PDZRN3: variants seen among roughly 807,000 people sequenced by gnomAD.
PDZRN3 encodes PDZ domain containing ring finger 3.
Under a neutral mutation model 85.7 loss-of-function variants are expected in PDZRN3, and 38 were observed. The observed-to-expected ratio is 0.44, with a 90% confidence interval of 0.34 to 0.58. PDZRN3 has a LOEUF of 0.58. Among genes scored for constraint, PDZRN3 ranks in the 20% least tolerant of loss-of-function variants. The pLI, the probability that PDZRN3 is intolerant of heterozygous loss-of-function variation, is 0.01. For missense variants in PDZRN3, 1,629 were observed against 1,506.4 expected (o/e 1.08, Z -1.35); for synonymous variants, 759 against 638.0 (o/e 1.19, Z -2.86).
intron 3 of PDZRN3, among the ~76,000 whole-genome samples, chr3:73,492,388 T>C (rs1352222725): frequency 6.6e-6 from 1 of 152,196 alleles, no homozygotes; most frequent in East Asian, 1.9e-4. Context: ...TCATTCCCTC[T>C]TGTCCTTTGC....
At chr3:73,408,663 G>A (rs1701904412) in intron 3 of PDZRN3, among the ~76,000 whole-genome samples, 1 of 151,906 alleles carries the variant, frequency 6.6e-6, no homozygotes, top group African/African-American at 2.4e-5. Context: ...GGTATTTTAG[G>A]GATCATTACA....
rs569552049 is a variant in PDZRN3, at chr3:73,426,768, G to A, written c.919-22373C>T. The stretch of plus-strand genomic sequence containing the variant: ...ACAAATTGCTGGGCCCCACCCCAGC[G>A]TTTCTGATTCAGTAGCTCTGGGGCG... On this transcript the variant is annotated intron_variant, in intron 3 of 9. Coordinates refer to ENST00000263666, the MANE Select transcript of PDZRN3 (RefSeq NM_015009.3). Among the ~76,000 whole-genome samples the A allele has an allele frequency of 3.3e-5, 5 of 152,210 alleles. No homozygotes were observed. The East Asian group carries it at 9.7e-4, about 29-fold the overall frequency.
intron 5 of PDZRN3, 90 bp downstream of exon 5, chr3:73,400,832 C>T (rs766515256): frequency 3.7e-5 from 34 of 930,554 alleles, no homozygotes; most frequent in African/African-American, 6.5e-5. Flanking sequence ...CATCGGCATC[C>T]GTAAACTAAT....
At chr3:73,602,601 T>A in intron 2 of PDZRN3, 140 bp from the exon 3 acceptor site, 1 of 585,192 alleles carries the variant, frequency 1.7e-6, no homozygotes, top group Non-Finnish European at 3.0e-6. Context: ...TTTCTCCTAA[T>A]TTCTGTTTTA....
chr3:73,425,940 C>T (rs1384906272), intron 3 of PDZRN3, among the ~76,000 whole-genome samples: 1 of 152,130 alleles, frequency 6.6e-6, no homozygotes, highest in Non-Finnish European at 1.5e-5. Flanking sequence ...AGAATTCTGC[C>T]AATTCAGATT....
Position 73,388,101 on chromosome 3 carries a change from G to C in PDZRN3, c.1417-32C>G, listed in dbSNP as rs764887988. The C allele has an allele frequency of 5.8e-6, 6 of 1,030,228 alleles. No homozygotes were observed. In the Admixed American group the frequency reaches 6.6e-5, roughly 11 times the overall value. The allele number at this position is 1,030,228 out of a possible 1,614,324, so 63.8% of individuals were successfully genotyped here. A position where few individuals can be genotyped will look rare whatever the true frequency, so the allele number is the denominator to read the frequency against. On this transcript the variant is annotated intron_variant, in intron 7 of 9. Transcript: ENST00000263666. ...AAAAAAAAGGGGGGGTGGGGAGAGTGGGGAGACAAATAGCATGATTAGATG... is the reference window on the plus strand; with the variant it reads ...AAAAAAAAGGGGGGGTGGGGAGAGTCGGGAGACAAATAGCATGATTAGATG...
intron 2 of PDZRN3, among the ~76,000 whole-genome samples, chr3:73,606,742 A>G (rs765658074): frequency 2.6e-5 from 4 of 152,206 alleles, no homozygotes; most frequent in Non-Finnish European, 5.9e-5. Flanking sequence ...TGTATGTTTG[A>G]TAAGACAGAT....
chr3:73,390,795 G>A (rs1701507673), intron 6 of PDZRN3, among the ~76,000 whole-genome samples: 1 of 152,040 alleles, frequency 6.6e-6, no homozygotes, highest in South Asian at 2.1e-4. Context: ...TCCATTTTAT[G>A]GCTGATTTGC....
chr3:73,423,819 T>C (rs976556180), intron 3 of PDZRN3, among the ~76,000 whole-genome samples: 3 of 152,236 alleles, frequency 2.0e-5, no homozygotes, highest in African/African-American at 7.2e-5. Flanking sequence ...ATAAAAGATA[T>C]TTATTCTTGG....
At chr3:73,562,054 C>T (rs1701829206) in intron 3 of PDZRN3, among the ~76,000 whole-genome samples, 1 of 151,984 alleles carries the variant, frequency 6.6e-6, no homozygotes, top group Non-Finnish European at 1.5e-5. Flanking sequence ...AAATTCTGGT[C>T]AAAAACCATC....
At chr3:73,545,734 C>T (rs1457614508) in intron 3 of PDZRN3, among the ~76,000 whole-genome samples, 1 of 152,190 alleles carries the variant, frequency 6.6e-6, no homozygotes, top group Non-Finnish European at 1.5e-5. Context: ...GATCTTTAAA[C>T]TTCTTGACCA....
intron 3 of PDZRN3, among the ~76,000 whole-genome samples, chr3:73,513,848 A>G (rs1176531453): frequency 1.3e-5 from 2 of 152,212 alleles, no homozygotes; most frequent in Non-Finnish European, 2.9e-5. Flanking sequence ...CACCCACAAA[A>G]TTTAAGTGCA....
rs1205203990 is a variant in PDZRN3, at chr3:73,383,894, G to A, written c.2672C>T (p.Ser891Leu). ...CTGGCTTTGCGCGTACTCCACGGCC[G>A]ACTTCTGCTGGATCAGCTGCATGTA... is the stretch of plus-strand genomic sequence containing the variant. ...QSYMQLIQQK[S>L]AVEYAQSQMS... The change falls in exon 10 of 10, where the codon TCG becomes TTG. Residue 891 changes from serine (S) to leucine (L), a missense_variant. Transcript: ENST00000263666. The A allele has an allele frequency of 6.2e-6, 10 of 1,612,686 alleles. No homozygotes were observed. Among genetic ancestry groups the A allele is most frequent in the Non-Finnish European group, 7.6e-6 (9 of 1,179,526 alleles).
Position 73,382,890 on chromosome 3 carries a change from A to G in PDZRN3, c.*475T>C, listed in dbSNP as rs1037111317. ...TTGAGTTGAAACCTTCACCTAAATG[A>G]TAATATCTTAACGGTCACGCATATG... On this transcript the variant is annotated 3_prime_UTR_variant, in exon 10 of 10. Transcript: ENST00000263666. 1 of 155,902 alleles carries G rather than the reference A, an allele frequency of 6.4e-6. No homozygotes were observed. The highest frequency in any genetic ancestry group is 2.4e-5 in the African/African-American group (1 of 41,594). 9.7% of individuals were successfully genotyped at this position (155,902 alleles called of 1,614,324 possible).
chr3:73,479,162 T>C (rs569014683), intron 3 of PDZRN3, among the ~76,000 whole-genome samples: 1 of 152,274 alleles, frequency 6.6e-6, no homozygotes, highest in African/African-American at 2.4e-5. Flanking sequence ...CTTTTAAAGA[T>C]CTCATTTCTT....
At chr3:73,578,475 T>C (rs905728918) in intron 3 of PDZRN3, among the ~76,000 whole-genome samples, 12 of 152,180 alleles carry the variant, frequency 7.9e-5, no homozygotes, top group Non-Finnish European at 2.9e-5. Context: ...CAGCCGACCA[T>C]TCTTTCAAGG....
At chr3:73,432,175 C>G (rs138437728) in intron 3 of PDZRN3, among the ~76,000 whole-genome samples, 3 of 152,300 alleles carry the variant, frequency 2.0e-5, no homozygotes, top group South Asian at 4.1e-4. Flanking sequence ...TTCCTGCCTG[C>G]GTGCTGGACT....
intron 3 of PDZRN3, among the ~76,000 whole-genome samples, chr3:73,413,090 C>T (rs1021700835): frequency 6.6e-6 from 1 of 152,208 alleles, no homozygotes; most frequent in Non-Finnish European, 1.5e-5. Context: ...GCTCTTGGCA[C>T]AGTGCCCAAT....
At chr3:73,518,207 T>C (rs1037925221) in intron 3 of PDZRN3, among the ~76,000 whole-genome samples, 4 of 152,194 alleles carry the variant, frequency 2.6e-5, no homozygotes, top group Admixed American at 6.5e-5. Context: ...TGCTATGACA[T>C]GGAAGAATGT....
Sources: gnomAD v4.1 joint callset for allele counts (sites outside exome capture counted in the v4.1 genomes callset) on GRCh38, gnomAD v4.1.1 for gene constraint, MANE v1.5 for transcripts, NCBI Gene and HGNC (gene_info 2026-07-23, HGNC 2026-07-21) for gene names.